CD33: variants seen among roughly 807,000 people sequenced by gnomAD.
CD33 encodes CD33 molecule.
In CD33, 25 loss-of-function variants were observed where a neutral mutation model predicts 31.4. The ratio of observed to expected loss-of-function variants is 0.80; its 90% CI spans 0.58 to 1.11. The LOEUF is 1.11. Among genes scored for constraint, CD33 ranks in the 50% most tolerant of loss-of-function variants. The pLI is 0.00. For missense variants in CD33, 407 were observed against 448.1 expected, an observed-to-expected ratio of 0.91 and a Z score of 0.83; for synonymous variants, 176 against 180.6, an observed-to-expected ratio of 0.97 and a Z score of 0.20.
At chr19:51,214,431 C>CGG in the CD33 span, among the ~76,000 whole-genome samples, 1 of 147,666 alleles carries the variant, frequency 6.8e-6, no homozygotes, top group Non-Finnish European at 1.5e-5. Context: ...TTTCTGACCT[C>CGG]GTGATCTGCC....
upstream of CD33, among the ~76,000 whole-genome samples, chr19:51,221,846 T>A (rs1980703209): frequency 6.6e-6 from 1 of 152,224 alleles, no homozygotes; most frequent in Non-Finnish European, 1.5e-5. Context: ...TATAGATTCA[T>A]ACACTCAACC....
intron 4 of CD33, among the ~76,000 whole-genome samples, chr19:51,229,436 C>T (rs1981256610): frequency 1.3e-5 from 2 of 152,052 alleles, no homozygotes. Context: ...GCCTCCACTT[C>T]AATTTTTTGG....
At chr19:51,229,153 T>C (rs1317550228) in intron 4 of CD33, among the ~76,000 whole-genome samples, 1 of 152,256 alleles carries the variant, frequency 6.6e-6, no homozygotes, top group African/African-American at 2.4e-5. Context: ...TAGGTGATCA[T>C]ACGGTTTATG....
chr19:51,228,637 T>C (rs1307176633), intron 4 of CD33, among the ~76,000 whole-genome samples: 1 of 152,162 alleles, frequency 6.6e-6, no homozygotes, highest in East Asian at 1.9e-4. Flanking sequence ...CATTTATCAG[T>C]TCTGAGAGTT....
Position 51,227,370 on chromosome 19 carries a change from C to T in CD33, c.745+1014C>T, listed in dbSNP as rs75345484. Reference sequence around the variant, plus strand: ...AAGAGTTCCCTCTTCTCTACATCCTCACCATCATTTGTTAATTTTCATCTT... The same window carrying T: ...AAGAGTTCCCTCTTCTCTACATCCTTACCATCATTTGTTAATTTTCATCTT... On this transcript the variant is annotated intron_variant, in intron 4 of 6. Coordinates refer to ENST00000262262, the MANE Select transcript of CD33 (RefSeq NM_001772.4). Among the ~76,000 whole-genome samples, 12 of 152,330 alleles carry T rather than the reference C, an allele frequency of 7.9e-5. No homozygotes were observed. The East Asian group carries it at 2.3e-3, about 29-fold the overall frequency.
intron 6 of CD33, chr19:51,237,428 A>G (rs1199510130): frequency 6.6e-6 from 1 of 152,278 alleles, no homozygotes; most frequent in Non-Finnish European, 1.5e-5. Context: ...TAGGCATGAA[A>G]TAAGTGCTAT....
chr19:51,231,278 G>T (rs1006495016), intron 4 of CD33, among the ~76,000 whole-genome samples: 1 of 152,018 alleles, frequency 6.6e-6, no homozygotes, highest in Non-Finnish European at 1.5e-5. Flanking sequence ...CCCAGAGCTC[G>T]GGGCCTTCAC....
At chr19:51,211,899 A>G in the CD33 span, 2 of 1,438,168 alleles carry the variant, frequency 1.4e-6, no homozygotes. Context: ...GACGCCCCCC[A>G]TCTTCTCCTG....
intron 2 of CD33, 41 bp from the exon 3 acceptor site, chr19:51,225,762 C>A (rs778329711): frequency 1.9e-6 from 3 of 1,588,980 alleles, no homozygotes; most frequent in Non-Finnish European, 8.6e-7. Context: ...CTCACCTGGA[C>A]CCTCCCTCCT....
At chr19:51,234,345 G>C (rs921397999) in intron 4 of CD33, among the ~76,000 whole-genome samples, 1 of 152,038 alleles carries the variant, frequency 6.6e-6, no homozygotes, top group African/African-American at 2.4e-5. Flanking sequence ...CATTTTACAG[G>C]CTTTTTAAAA....
At chr19:51,226,990 C>A (rs979637557) in intron 4 of CD33, among the ~76,000 whole-genome samples, 1 of 151,782 alleles carries the variant, frequency 6.6e-6, no homozygotes, top group Admixed American at 6.6e-5. Flanking sequence ...CTGTTCCTAG[C>A]TTATTTCATT....
At chr19:51,216,223 AGTGTGTGTGTGT>A in the CD33 span, among the ~76,000 whole-genome samples, 9 of 128,404 alleles carry the variant, frequency 7.0e-5, no homozygotes, top group East Asian at 7.1e-4. Flanking sequence ...ATGTCACCCG[AGTGTGTGTGTGT>A]GTGTGTGTGT....
At chr19:51,215,122 A>G in the CD33 span, among the ~76,000 whole-genome samples, 1 of 152,158 alleles carries the variant, frequency 6.6e-6, no homozygotes, top group Non-Finnish European at 1.5e-5. Context: ...CACCTTCCTC[A>G]GGTGAGCACT....
At chr19:51,216,207 T>C in the CD33 span, among the ~76,000 whole-genome samples, 3 of 147,728 alleles carry the variant, frequency 2.0e-5, no homozygotes, top group Non-Finnish European at 4.5e-5. Context: ...TCAGGCTCAG[T>C]CTTAAATGTC....
At chr19:51,216,479 G>A in the CD33 span, among the ~76,000 whole-genome samples, 1 of 151,986 alleles carries the variant, frequency 6.6e-6, no homozygotes, top group Non-Finnish European at 1.5e-5. Flanking sequence ...GGAGGCTGAG[G>A]TAGTGGATCA....
At chr19:51,226,428 TTTCAGAGTCAAATG>T (rs1180657914) in intron 4 of CD33, 72 bp downstream of exon 4, 8 of 1,360,612 alleles carry the variant, frequency 5.9e-6, no homozygotes, top group Non-Finnish European at 8.4e-6. Context: ...AGATCTGGAC[TTTCAGAGTCAAATG>T]TTCAGAGGCA....
At chr19:51,214,615 ATTAT>A in the CD33 span, among the ~76,000 whole-genome samples, 2,088 of 152,198 alleles carry the variant, frequency 0.014, 46 homozygotes, top group African/African-American at 0.048. Flanking sequence ...GGTCTTATTG[ATTAT>A]TTATATCTTT....
chr19:51,219,949 G>A, the CD33 span, among the ~76,000 whole-genome samples: 3 of 152,128 alleles, frequency 2.0e-5, no homozygotes, highest in African/African-American at 7.2e-5. Context: ...GAGGATTTTT[G>A]CGTCTATGTT....
In CD33 at chr19:51,226,304, C is replaced by A. The variant is rs373312125; in HGVS notation, c.698-5C>A. On this transcript the variant is annotated splice_region_variant and splice_polypyrimidine_tract_variant and intron_variant, in intron 3 of 6. Transcript: ENST00000262262. ...ACTGAAGGAAATCCTCTCTTCCTCTCCTAGATGTTCCACAGAACCCAACAA... is the reference window on the plus strand; with the variant it reads ...ACTGAAGGAAATCCTCTCTTCCTCTACTAGATGTTCCACAGAACCCAACAA... 1 of 1,613,726 alleles carries A rather than the reference C, an allele frequency of 6.2e-7. No individual in the cohort carries two copies. The highest frequency in any genetic ancestry group is 8.5e-7 in the Non-Finnish European group (1 of 1,179,646).
Sources: allele counts gnomAD v4.1 joint callset (sites outside exome capture counted in the v4.1 genomes callset), GRCh38; gene constraint gnomAD v4.1.1; transcripts MANE v1.5; gene names NCBI Gene and HGNC (gene_info 2026-07-23, HGNC 2026-07-21).